Variants in CATSPERE observed in about 807,000 individuals in gnomAD.
The protein encoded by CATSPERE is cation channel sperm-associated auxiliary subunit epsilon.
A neutral mutation model predicts 114.1 loss-of-function variants in CATSPERE; 93 were observed. That is an observed-to-expected ratio of 0.81 (90% CI 0.69 to 0.97). The LOEUF is 0.97. Among genes scored for constraint, CATSPERE ranks in the 50% least tolerant of loss-of-function variants. The pLI is 0.00. For synonymous variants in CATSPERE, 341 were observed against 384.1 expected, an observed-to-expected ratio of 0.89 and a Z score of 1.31; for missense variants, 1,058 against 1,131.6, an observed-to-expected ratio of 0.93 and a Z score of 0.93.
intron 11 of CATSPERE, among the ~76,000 whole-genome samples, chr1:244,578,626 A>G (rs911510528): frequency 6.6e-6 from 1 of 151,466 alleles, no homozygotes; most frequent in Admixed American, 6.6e-5. Context: ...AAGAGAAAAC[A>G]CATTTACTGT....
At chr1:244,602,459 A>G (rs1490610826) in intron 17 of CATSPERE, among the ~76,000 whole-genome samples, 4 of 152,190 alleles carry the variant, frequency 2.6e-5, no homozygotes, top group African/African-American at 9.7e-5. Flanking sequence ...TCTGGATTAC[A>G]ATAAATGCCT....
chr1:244,483,999 G>A (rs984797371), intron 5 of CATSPERE, among the ~76,000 whole-genome samples: 2 of 151,884 alleles, frequency 1.3e-5, no homozygotes, highest in African/African-American at 4.8e-5. Context: ...CTTAGAATAG[G>A]AATTCACTTT....
intron 19 of CATSPERE, among the ~76,000 whole-genome samples, chr1:244,615,003 T>C (rs1671195129): frequency 6.6e-6 from 1 of 152,050 alleles, no homozygotes; most frequent in Non-Finnish European, 1.5e-5. Context: ...GGCACTCTGA[T>C]GAACGACCTC....
At chr1:244,464,080 T>C in intron 2 of CATSPERE, 124 bp downstream of exon 2, 1 of 726,078 alleles carries the variant, frequency 1.4e-6, no homozygotes, top group South Asian at 1.7e-5. Context: ...GTTTCTTTCA[T>C]CCGGTGTATT....
intron 7 of CATSPERE, among the ~76,000 whole-genome samples, chr1:244,510,006 A>T (rs996148637): frequency 4.0e-5 from 6 of 151,700 alleles, no homozygotes; most frequent in African/African-American, 1.5e-4. Context: ...TATCGATTTT[A>T]TCTTTTTTAA....
chr1:244,497,539 G>A (rs1673298132), intron 6 of CATSPERE, among the ~76,000 whole-genome samples: 1 of 152,218 alleles, frequency 6.6e-6, no homozygotes, highest in South Asian at 2.1e-4. Flanking sequence ...GCTCATGCCT[G>A]TAATCCCAGC....
intron 10 of CATSPERE, among the ~76,000 whole-genome samples, chr1:244,563,409 C>T (rs1330736362): frequency 2.6e-5 from 4 of 152,196 alleles, no homozygotes; most frequent in Non-Finnish European, 4.4e-5. Context: ...TATTTCTCCA[C>T]GTCCTCTCCA....
At chr1:244,494,427 G>A (rs1405421288) in intron 6 of CATSPERE, among the ~76,000 whole-genome samples, 1 of 128,136 alleles carries the variant, frequency 7.8e-6, no homozygotes, top group Non-Finnish European at 1.6e-5. Context: ...ACAGGAAGGG[G>A]AACATCCCAC....
chr1:244,554,675 T>G (rs1193862431), intron 9 of CATSPERE, among the ~76,000 whole-genome samples: 1 of 152,128 alleles, frequency 6.6e-6, no homozygotes. Context: ...TTTGTATATC[T>G]TTTGAGAAAT....
At chr1:244,467,330 G>A (rs923462144) in intron 2 of CATSPERE, among the ~76,000 whole-genome samples, 3 of 152,064 alleles carry the variant, frequency 2.0e-5, no homozygotes, top group Non-Finnish European at 4.4e-5. Flanking sequence ...AAAGACCTAA[G>A]GGGATATTTC....
chr1:244,451,655 C>T (rs765517874), upstream of CATSPERE: 4 of 1,610,362 alleles, frequency 2.5e-6, no homozygotes, highest in Admixed American at 1.7e-5. The surrounding 1 kb of genome is among the most constrained non-coding windows in gnomAD (Gnocchi z 6.6). Flanking sequence ...CACACGATGT[C>T]GGCGTCCTGC....
chr1:244,500,503 T>C (rs541261917), intron 7 of CATSPERE, among the ~76,000 whole-genome samples: 1 of 152,344 alleles, frequency 6.6e-6, no homozygotes, highest in Admixed American at 6.5e-5. Flanking sequence ...CTTTAATCCA[T>C]CTTAAGTTAA....
intron 8 of CATSPERE, among the ~76,000 whole-genome samples, chr1:244,550,615 G>T (rs2148492521): frequency 6.6e-6 from 1 of 152,308 alleles, no homozygotes; most frequent in Middle Eastern, 3.4e-3. Context: ...TTAAGAAATT[G>T]TAATTGGAAC....
intron 5 of CATSPERE, among the ~76,000 whole-genome samples, chr1:244,482,388 G>A (rs1217828150): frequency 6.6e-6 from 1 of 152,138 alleles, no homozygotes; most frequent in African/African-American, 2.4e-5. Context: ...GATCACTTGA[G>A]CCCAGGAGTT....
At chr1:244,623,203 G>C (rs570165168) in intron 20 of CATSPERE, among the ~76,000 whole-genome samples, 2 of 151,778 alleles carry the variant, frequency 1.3e-5, no homozygotes, top group South Asian at 4.2e-4. Flanking sequence ...TCAGCCTCCC[G>C]AGTAGCTGAG....
chr1:244,521,027 G>T (rs760402698), intron 8 of CATSPERE, among the ~76,000 whole-genome samples: 3 of 152,164 alleles, frequency 2.0e-5, no homozygotes, highest in Non-Finnish European at 2.9e-5. Context: ...CGTGAATGTA[G>T]ATGCCAAATC....
intron 8 of CATSPERE, among the ~76,000 whole-genome samples, chr1:244,536,529 G>T (rs529410167): frequency 6.6e-6 from 1 of 152,194 alleles, no homozygotes; most frequent in Non-Finnish European, 1.5e-5. Context: ...GCTTTCCGCT[G>T]TGACAGGGCA....
At chr1:244,494,164 G>A (rs1417964466) in intron 6 of CATSPERE, among the ~76,000 whole-genome samples, 1 of 152,032 alleles carries the variant, frequency 6.6e-6, no homozygotes, top group African/African-American at 2.4e-5. Context: ...TATGTTTATT[G>A]CGGCACTATT....
intron 19 of CATSPERE, among the ~76,000 whole-genome samples, chr1:244,615,833 G>A (rs1205377013): frequency 6.6e-6 from 1 of 151,600 alleles, no homozygotes; most frequent in Non-Finnish European, 1.5e-5. Flanking sequence ...AAAATTTCAG[G>A]CCAAATGTTG....
Sources: allele counts gnomAD v4.1 joint callset (sites outside exome capture counted in the v4.1 genomes callset), GRCh38; gene constraint gnomAD v4.1.1; non-coding constraint Gnocchi (gnomAD v3.1); transcripts MANE v1.5; gene names NCBI Gene and HGNC (gene_info 2026-07-23, HGNC 2026-07-21).